Variants in MYO9A observed in about 807,000 individuals in gnomAD.
MYO9A encodes the protein unconventional myosin-IXa.
Under a neutral mutation model 293.3 loss-of-function variants are expected in MYO9A, and 103 were observed. The ratio of observed to expected loss-of-function variants is 0.35; its 90% CI spans 0.30 to 0.41. MYO9A has a LOEUF of 0.41. Among genes scored for constraint, MYO9A ranks in the 10% least tolerant of loss-of-function variants. MYO9A has a pLI of 1.00. For missense variants in MYO9A, 2,685 were observed against 3,033.0 expected, an observed-to-expected ratio of 0.89 and a Z score of 2.69; for synonymous variants, 1,001 against 1,035.7, an observed-to-expected ratio of 0.97 and a Z score of 0.64.
At position 72,085,727 on chromosome 15, in the gene MYO9A, G is replaced by A. The variant is rs181175176; in HGVS notation, c.-72+31953C>T. ...CTTTTTAAGTTATCAGGATTCTTAC[G>A]CTGGTTCTTTCTCAACTTTGCGGGC... On this transcript the variant is annotated intron_variant, in intron 1 of 41. Coordinates refer to ENST00000356056, the MANE Select transcript of MYO9A (RefSeq NM_006901.4). Among the ~76,000 whole-genome samples, 385 of 152,324 alleles carry A rather than the reference G, an allele frequency of 2.5e-3. 8 individuals carry two copies. The South Asian group carries it at 0.028, about 11-fold the overall frequency.
intron 3 of MYO9A, among the ~76,000 whole-genome samples, chr15:72,028,218 A>AATATATAT (rs33914430): frequency 0.053 from 7,095 of 134,026 alleles, 228 homozygotes; most frequent in East Asian, 0.093. Context: ...TAAATAAATA[A>AATATATAT]ATATATATAT....
intron 34 of MYO9A, among the ~76,000 whole-genome samples, chr15:71,856,323 A>T (rs967095550): frequency 6.6e-6 from 1 of 152,098 alleles, no homozygotes; most frequent in Non-Finnish European, 1.5e-5. Context: ...AAAGAAAAAA[A>T]AAGAAAAAGA....
intron 19 of MYO9A, among the ~76,000 whole-genome samples, chr15:71,910,049 CATT>C (rs1434568141): frequency 6.7e-6 from 1 of 149,066 alleles, no homozygotes; most frequent in Non-Finnish European, 1.5e-5. Context: ...AAAAGGAAGA[CATT>C]GTTGTAACTA....
At chr15:71,856,268 G>A (rs1469120416) in intron 34 of MYO9A, among the ~76,000 whole-genome samples, 3 of 152,050 alleles carry the variant, frequency 2.0e-5, no homozygotes, top group East Asian at 1.9e-4. Flanking sequence ...CCAAGATCAC[G>A]CCACTGTACT....
At chr15:71,871,112 T>C (rs1347173553) in intron 32 of MYO9A, among the ~76,000 whole-genome samples, 2 of 152,140 alleles carry the variant, frequency 1.3e-5, no homozygotes, top group African/African-American at 4.8e-5. Context: ...TGGTGGCTCA[T>C]GCCTGTAATC....
chr15:71,915,156 G>T (rs1253263126), intron 19 of MYO9A, among the ~76,000 whole-genome samples: 1 of 151,728 alleles, frequency 6.6e-6, no homozygotes, highest in African/African-American at 2.4e-5. Context: ...TACTCAACAT[G>T]ATTTTTTTTT....
chr15:71,893,134 G>C (rs1028106798), intron 26 of MYO9A: 1 of 1,287,274 alleles, frequency 7.8e-7, no homozygotes, highest in South Asian at 1.2e-5. Context: ...ATCGGAGCGC[G>C]TCCGCGCCAT....
At chr15:72,008,052 G>T in intron 7 of MYO9A, 100 bp from the exon 8 acceptor site, 1 of 1,370,872 alleles carries the variant, frequency 7.3e-7, no homozygotes, top group Non-Finnish European at 9.8e-7. Flanking sequence ...CAAATATGAA[G>T]TATTTAGTCT....
At chr15:71,983,470 C>T (rs201485402) in intron 11 of MYO9A, among the ~76,000 whole-genome samples, 337 of 72,238 alleles carry the variant, frequency 4.7e-3, no homozygotes, top group African/African-American at 5.9e-3. Flanking sequence ...TTTTTTATTT[C>T]TTTTTTTTTT....
At chr15:71,932,783 G>A (rs533330004) in intron 18 of MYO9A, among the ~76,000 whole-genome samples, 7 of 152,182 alleles carry the variant, frequency 4.6e-5, no homozygotes, top group African/African-American at 1.7e-4. Context: ...ACTACTGCAT[G>A]TAATTATTTT....
At chr15:71,962,365 A>G (rs933380965) in intron 13 of MYO9A, among the ~76,000 whole-genome samples, 7 of 152,208 alleles carry the variant, frequency 4.6e-5, no homozygotes, top group Non-Finnish European at 8.8e-5. Context: ...GCTTGCACTT[A>G]TCCTATTACT....
chr15:72,021,325 A>G (rs1367084253), intron 4 of MYO9A, among the ~76,000 whole-genome samples: 1 of 152,218 alleles, frequency 6.6e-6, no homozygotes, highest in African/African-American at 2.4e-5. Context: ...AACTGTGGAA[A>G]CTAATCGAAA....
chr15:71,992,498 A>G (rs2076570401), intron 10 of MYO9A, among the ~76,000 whole-genome samples: 1 of 152,230 alleles, frequency 6.6e-6, no homozygotes, highest in Non-Finnish European at 1.5e-5. Flanking sequence ...AATTCTGCTA[A>G]GTCTAGGCCC....
chr15:71,979,867 G>C (rs116893342), intron 11 of MYO9A, among the ~76,000 whole-genome samples: 1 of 152,312 alleles, frequency 6.6e-6, no homozygotes, highest in East Asian at 1.9e-4. Context: ...GCTTAAGTAG[G>C]TATAGAGTAC....
chr15:71,946,139 T>C (rs886244512), intron 15 of MYO9A, among the ~76,000 whole-genome samples: 1 of 152,202 alleles, frequency 6.6e-6, no homozygotes, highest in African/African-American at 2.4e-5. Context: ...ATATCCACCA[T>C]TACAAAGTTA....
chr15:72,029,494 G>A (rs2077794424), intron 3 of MYO9A, among the ~76,000 whole-genome samples: 1 of 152,132 alleles, frequency 6.6e-6, no homozygotes, highest in Admixed American at 6.6e-5. Flanking sequence ...TTTAAACATA[G>A]AAAAAGTACA....
rs2054578843 is a variant in MYO9A at position 71,828,000 on chromosome 15, A to G, written c.7067T>C (p.Val2356Ala). 3 of 1,613,650 alleles carry G rather than the reference A, an allele frequency of 1.9e-6. No homozygotes were observed. The highest frequency in any genetic ancestry group is 2.5e-6 in the Non-Finnish European group (3 of 1,179,788). Residue 2356 changes from valine (V) to alanine (A), a missense_variant, in exon 41 of 42, where the codon GTA becomes GCA. Around this residue, in one of 10 missense-constraint regions of MYO9A, gnomAD observed 350 missense variants for 328.9 expected, o/e 1.06. Transcript: ENST00000356056. ...EKEELTFEML[V>A]LEPRASDDET... ...ATCATCAGAGGCACGGGGTTCCAGT[A>G]CAAGCATCTCAAATGTTAGCTCCTC... is the stretch of plus-strand genomic sequence containing the variant.
At position 71,884,976 on chromosome 15, in the gene MYO9A, T is replaced by A. The variant is rs866225427; in HGVS notation, c.5256-1240A>T. Among the ~76,000 whole-genome samples, 667 of 139,498 alleles carry A rather than the reference T, an allele frequency of 4.8e-3. 4 individuals carry two copies. Among genetic ancestry groups the A allele is most frequent in the African/African-American group, 0.011 (363 of 32,884 alleles). The allele number at this position is 139,498 out of a possible 152,430, so 91.5% of individuals were successfully genotyped here. A position where few individuals can be genotyped will look rare whatever the true frequency, so the allele number is the denominator to read the frequency against. On this transcript the variant is annotated intron_variant, in intron 27 of 41. Coordinates refer to ENST00000356056, the MANE Select transcript of MYO9A (RefSeq NM_006901.4). The stretch of plus-strand genomic sequence containing the variant: ...CTTTCTTCCTTTTTTTTTTTTTTTT[T>A]AAAAAAAAGCTTATTACTAAACTCA...
chr15:71,850,781 A>G (rs1370160816), intron 37 of MYO9A, among the ~76,000 whole-genome samples: 1 of 141,120 alleles, frequency 7.1e-6, no homozygotes, highest in Non-Finnish European at 1.6e-5. Flanking sequence ...AAAAAAAAAA[A>G]AAAAAAAAAA....
Sources: gnomAD v4.1 joint callset for allele counts (sites outside exome capture counted in the v4.1 genomes callset) on GRCh38, gnomAD v4.1.1 for gene constraint, gnomAD v4.1.1 regional missense constraint, MANE v1.5 for transcripts, NCBI Gene and HGNC (gene_info 2026-07-23, HGNC 2026-07-21) for gene names.